The following NRXN1 variants were observed in gnomAD, a reference collection of about 807,000 sequenced individuals.
NRXN1 encodes neurexin 1.
In NRXN1, 39 loss-of-function variants were observed where a neutral mutation model predicts 150.9. The ratio of observed to expected loss-of-function variants is 0.26; its 90% CI spans 0.20 to 0.34. The LOEUF (loss-of-function observed/expected upper bound fraction) is 0.34. Among genes scored for constraint, NRXN1 ranks in the 10% least tolerant of loss-of-function variants. The pLI is 1.00. For synonymous variants in NRXN1, 924 were observed against 757.0 expected (o/e 1.22, Z -3.62); for missense variants, 1,815 against 1,949.9 (o/e 0.93, Z 1.30).
chr2:50,294,898 T>TA (rs1171439716), intron 17 of NRXN1, among the ~76,000 whole-genome samples: 12 of 152,178 alleles, frequency 7.9e-5, no homozygotes, highest in Non-Finnish European at 1.3e-4. Flanking sequence ...ACCTTATCCC[T>TA]ATCAGTCGAT....
rs1047453293 is a variant in NRXN1 at position 50,103,207 on chromosome 2, A to G, written c.3547-11713T>C. On this transcript the variant is annotated intron_variant, in intron 18 of 22. Transcript: ENST00000401669. The stretch of plus-strand genomic sequence containing the variant: ...ACTTCTACAATGTCAAAAAAGATTC[A>G]TCATTCTACGCTCATATTTCTAAAC... Among the ~76,000 whole-genome samples, 4 of 152,228 alleles carry G rather than the reference A, an allele frequency of 2.6e-5. No homozygotes were observed. In the East Asian group the frequency reaches 5.8e-4, roughly 22 times the overall value.
At chr2:50,613,452 T>A (rs531560681) in intron 8 of NRXN1, among the ~76,000 whole-genome samples, 1 of 152,218 alleles carries the variant, frequency 6.6e-6, no homozygotes, top group Admixed American at 6.5e-5. Context: ...ACATACTGTA[T>A]AGTGCATACT....
chr2:50,814,824 T>C (rs1668698813), intron 5 of NRXN1, among the ~76,000 whole-genome samples: 1 of 152,204 alleles, frequency 6.6e-6, no homozygotes, highest in Admixed American at 6.5e-5. Flanking sequence ...AAATTCTGTA[T>C]TTTCCTTACT....
At chr2:50,827,750 C>A (rs1017901150) in intron 5 of NRXN1, among the ~76,000 whole-genome samples, 3 of 151,530 alleles carry the variant, frequency 2.0e-5, no homozygotes, top group East Asian at 1.9e-4. Flanking sequence ...GAGGACCCTG[C>A]GGCCTTCCGC....
chr2:50,434,914 G>A (rs1027085925), intron 17 of NRXN1, among the ~76,000 whole-genome samples: 1 of 151,998 alleles, frequency 6.6e-6, no homozygotes. Context: ...ATCTGTGTCA[G>A]GATACAGTAT....
chr2:50,081,543 T>C (rs1173339289), intron 19 of NRXN1, among the ~76,000 whole-genome samples: 1 of 152,138 alleles, frequency 6.6e-6, no homozygotes, highest in Non-Finnish European at 1.5e-5. Flanking sequence ...AGAGCAAGAC[T>C]CTGCCTCAAA....
intron 18 of NRXN1, among the ~76,000 whole-genome samples, chr2:50,184,750 T>C (rs891265036): frequency 1.3e-5 from 2 of 152,042 alleles, no homozygotes; most frequent in East Asian, 3.9e-4. Context: ...AATACTTATA[T>C]AGCATTTACA....
intron 5 of NRXN1, among the ~76,000 whole-genome samples, chr2:50,666,057 C>T (rs759538475): frequency 1.1e-4 from 17 of 151,926 alleles, no homozygotes; most frequent in Non-Finnish European, 1.9e-4. Context: ...TTGTTCCCTT[C>T]CACCGATTCT....
chr2:50,120,987 G>A (rs2152736179), intron 18 of NRXN1, among the ~76,000 whole-genome samples: 1 of 152,268 alleles, frequency 6.6e-6, no homozygotes, highest in African/African-American at 2.4e-5. Context: ...CTTACAATAT[G>A]CCAGACAATG....
chr2:50,099,933 C>T (rs982269226), intron 18 of NRXN1, among the ~76,000 whole-genome samples: 1 of 152,070 alleles, frequency 6.6e-6, no homozygotes, highest in Non-Finnish European at 1.5e-5. Flanking sequence ...ACATCCATGT[C>T]CCCTCCCATC....
Position 50,627,225 on chromosome 2 carries a change from G to A in NRXN1, c.833-3610C>T, listed in dbSNP as rs148780704. Among the ~76,000 whole-genome samples, 6 of 151,738 alleles carry A rather than the reference G, an allele frequency of 4.0e-5. No individual in the cohort carries two copies. The East Asian group carries it at 1.2e-3, about 30-fold the overall frequency. On this transcript the variant is annotated intron_variant, in intron 5 of 22. Transcript: ENST00000401669. The stretch of plus-strand genomic sequence containing the variant: ...GAATTTCACATATTACAAAGAACTT[G>A]GGTCTCAGTCCTTAGAAAATAGTTA...
In NRXN1 at chr2:51,009,624, G is replaced by C. The variant is rs186666663; in HGVS notation, c.772+17878C>G. Among the ~76,000 whole-genome samples the C allele has an allele frequency of 4.3e-4, 65 of 152,060 alleles. 1 individual carries two copies. The highest frequency in any genetic ancestry group is 1.5e-3 in the African/African-American group (63 of 41,542). On this transcript the variant is annotated intron_variant, in intron 2 of 22. Transcript: ENST00000401669. The stretch of plus-strand genomic sequence containing the variant: ...GTGTATGAAGTAGAGCAGGAAAGTT[G>C]TGAGTCATTTGGAACTTCTCAGATG...
At chr2:50,733,345 T>C (rs931503949) in intron 5 of NRXN1, among the ~76,000 whole-genome samples, 21 of 152,160 alleles carry the variant, frequency 1.4e-4, no homozygotes, top group African/African-American at 4.8e-4. Flanking sequence ...GCTCACATCA[T>C]AGCCTGAGCC....
intron 18 of NRXN1, among the ~76,000 whole-genome samples, chr2:50,216,321 G>C (rs1322583761): frequency 1.3e-5 from 2 of 151,968 alleles, no homozygotes; most frequent in Non-Finnish European, 2.9e-5. Context: ...TAAGATACTT[G>C]TTATTGTTTT....
At chr2:50,222,458 G>C (rs1000886285) in intron 18 of NRXN1, among the ~76,000 whole-genome samples, 2 of 151,948 alleles carry the variant, frequency 1.3e-5, no homozygotes, top group African/African-American at 4.8e-5. Flanking sequence ...CTGCTGGTGG[G>C]AGTGTTCAAC....
chr2:50,090,093 G>A (rs1028404729), intron 19 of NRXN1, among the ~76,000 whole-genome samples: 1 of 152,120 alleles, frequency 6.6e-6, no homozygotes, highest in Non-Finnish European at 1.5e-5. Context: ...CTTTGTCATA[G>A]AGCAGTTTTT....
intron 12 of NRXN1, among the ~76,000 whole-genome samples, chr2:50,507,462 G>T (rs1257168930): frequency 6.6e-6 from 1 of 151,952 alleles, no homozygotes. Flanking sequence ...AGAGAGCAAG[G>T]GATTACCAGT....
At chr2:50,989,302 G>A (rs1359424216) in intron 2 of NRXN1, among the ~76,000 whole-genome samples, 5 of 151,920 alleles carry the variant, frequency 3.3e-5, no homozygotes, top group Middle Eastern at 3.2e-3. Context: ...ATATTTGAGT[G>A]AGAATACAAT....
At chr2:50,314,099 G>C (rs757623952) in intron 17 of NRXN1, among the ~76,000 whole-genome samples, 3 of 152,114 alleles carry the variant, frequency 2.0e-5, no homozygotes, top group Non-Finnish European at 2.9e-5. Flanking sequence ...GAGAGCTTCA[G>C]AATAGGTAGA....
Sources: allele counts gnomAD v4.1 joint callset (sites outside exome capture counted in the v4.1 genomes callset), GRCh38; gene constraint gnomAD v4.1.1; transcripts MANE v1.5; gene names NCBI Gene and HGNC (gene_info 2026-07-23, HGNC 2026-07-21).